The following SMAD4 variants were observed in gnomAD, a reference collection of about 807,000 sequenced individuals.
SMAD4 encodes the protein SMAD family member 4.
SMAD4 carries 7 observed loss-of-function variants against 63.2 expected under a neutral mutation model. The observed-to-expected ratio is 0.11, with a 90% CI of 0.06 to 0.21. SMAD4 has a LOEUF of 0.21. SMAD4 is among the 10% of genes least tolerant of loss of function. The pLI, the probability that SMAD4 is intolerant of heterozygous loss-of-function variation, is 1.00. For missense variants in SMAD4, 312 were observed against 693.8 expected, an observed-to-expected ratio of 0.45 and a Z score of 6.18; for synonymous variants, 215 against 235.4, an observed-to-expected ratio of 0.91 and a Z score of 0.79.
intron 1 of SMAD4, among the ~76,000 whole-genome samples, chr18:51,032,473 G>A (rs1599171036): frequency 6.6e-6 from 1 of 152,272 alleles, no homozygotes; most frequent in East Asian, 1.9e-4. Context: ...TTTGCTGTTT[G>A]AAGCAATTCT....
intron 1 of SMAD4, among the ~76,000 whole-genome samples, chr18:51,041,821 A>C (rs796611933): frequency 6.6e-6 from 1 of 152,214 alleles, no homozygotes; most frequent in Admixed American, 6.5e-5. Context: ...CTAAGCAGAA[A>C]ATAAGCTTTT....
rs1909960931 is a variant in SMAD4, at chr18:51,059,921, G to A, written c.955+5G>A. ...CTCCCATTTCCAATCATCCTGGTAA[G>A]TGTATTTCAAAATTGATTTCCTGTA... On this transcript the variant is annotated splice_donor_5th_base_variant and intron_variant, in intron 8 of 11. Coordinates refer to ENST00000342988, the MANE Select transcript of SMAD4 (RefSeq NM_005359.6). The A allele has an allele frequency of 6.2e-7, 1 of 1,604,208 alleles. No individual in the cohort carries two copies. The highest frequency in any genetic ancestry group is 8.5e-7 in the Non-Finnish European group (1 of 1,171,940).
chr18:51,067,276 T>C (rs1225944010), intron 10 of SMAD4, 89 bp downstream of exon 10: 1 of 702,862 alleles, frequency 1.4e-6, no homozygotes, highest in Non-Finnish European at 2.5e-6. Flanking sequence ...AATGGAAAAA[T>C]GTTTTATATA....
At chr18:51,051,483 C>T (rs935698515) in intron 4 of SMAD4, 10 of 440,310 alleles carry the variant, frequency 2.3e-5, no homozygotes, top group African/African-American at 1.6e-4. Context: ...GTAATCATTT[C>T]CAGCCTATCT....
intron 8 of SMAD4, 105 bp downstream of exon 8, chr18:51,060,021 A>G: frequency 1.2e-6 from 1 of 817,542 alleles, no homozygotes; most frequent in Non-Finnish European, 2.1e-6. Flanking sequence ...TTCTCAGATG[A>G]GTACAATACT....
At chr18:51,071,281 T>TACAC (rs150437859) in intron 10 of SMAD4, among the ~76,000 whole-genome samples, 11 of 149,762 alleles carry the variant, frequency 7.3e-5, no homozygotes, top group South Asian at 2.1e-4. Context: ...CACACACACA[T>TACAC]ACACACACAC....
rs183971728 is a variant in SMAD4, at chr18:51,077,756, T to G, written c.1448-500T>G. On this transcript the variant is annotated intron_variant, in intron 11 of 11. Transcript: ENST00000342988. Reference sequence around the variant, plus strand: ...TCATATTCTCATCAGTTGCCACCACTGAGTAATAGTGTATTACTCTGTTAC... The same window carrying G: ...TCATATTCTCATCAGTTGCCACCACGGAGTAATAGTGTATTACTCTGTTAC... Among the ~76,000 whole-genome samples, 5 of 152,338 alleles carry G rather than the reference T, an allele frequency of 3.3e-5. No homozygotes were observed. In the East Asian group the frequency reaches 9.6e-4, roughly 29 times the overall value.
intron 4 of SMAD4, among the ~76,000 whole-genome samples, chr18:51,051,914 C>T (rs887697313): frequency 1.6e-4 from 24 of 152,026 alleles, no homozygotes; most frequent in African/African-American, 5.8e-4. Context: ...TCAAGCGATT[C>T]TCCTGCCTCA....
chr18:51,078,480 T>C lies in SMAD4; in HGVS notation c.*13T>C, dbSNP rs1039813805. On this transcript the variant is annotated 3_prime_UTR_variant, in exon 12 of 12. Coordinates refer to ENST00000342988, the MANE Select transcript of SMAD4 (RefSeq NM_005359.6). ...ACCTTTAGACTGAGGTCTTTTACCG[T>C]TGGGGCCCTTAACCTTATCAGGATG... 4.4e-6 allele frequency: 7 copies of C among 1,584,090 alleles called. No homozygotes were observed. The highest frequency in any genetic ancestry group is 6.1e-6 in the Non-Finnish European group (7 of 1,153,152).
chr18:51,048,595 T>G, intron 2 of SMAD4, 91 bp from the exon 3 acceptor site: 2 of 1,142,220 alleles, frequency 1.8e-6, no homozygotes, highest in Non-Finnish European at 1.3e-6. Context: ...ATTGTAATAC[T>G]GAGTTGGTAG....
At position 51,058,264 on chromosome 18, in the gene SMAD4, A is replaced by C. The variant is rs367791493; in HGVS notation, c.787+20A>C. ...ATCATAGTATGTACATACTTTAAAA[A>C]ATCTTTTAAATAGTTGAGAAAAAAG... On this transcript the variant is annotated intron_variant, in intron 6 of 11. Coordinates refer to ENST00000342988, the MANE Select transcript of SMAD4 (RefSeq NM_005359.6). The C allele has an allele frequency of 1.2e-6, 2 of 1,610,936 alleles. No homozygotes were observed. Among genetic ancestry groups the C allele is most frequent in the African/African-American group, 2.7e-5 (2 of 74,896 alleles).
At chr18:51,049,229 T>C in intron 3 of SMAD4, 66 bp from the exon 4 acceptor site, 2 of 1,233,550 alleles carry the variant, frequency 1.6e-6, no homozygotes, top group South Asian at 1.2e-5. Flanking sequence ...TTCTCTGTTT[T>C]TAAATGGAAA....
intron 1 of SMAD4, among the ~76,000 whole-genome samples, chr18:51,041,120 TG>T (rs1909366846): frequency 6.6e-6 from 1 of 152,160 alleles, no homozygotes; most frequent in African/African-American, 2.4e-5. Context: ...TTCTGGTAAT[TG>T]TTTCCTAACT....
intron 5 of SMAD4, 134 bp from the exon 6 acceptor site, chr18:51,057,991 C>T (rs1909885790): frequency 9.9e-7 from 1 of 1,005,572 alleles, no homozygotes; most frequent in Non-Finnish European, 1.5e-6. Context: ...ACCTGATAGG[C>T]CATGGGTGAG....
intron 1 of SMAD4, among the ~76,000 whole-genome samples, chr18:51,032,177 TA>T (rs1909071321): frequency 6.6e-6 from 1 of 152,242 alleles, no homozygotes; most frequent in Non-Finnish European, 1.5e-5. Context: ...CTTCTTTTGA[TA>T]AAAGTCGTTA....
intron 3 of SMAD4, 143 bp from the exon 4 acceptor site, chr18:51,049,152 T>C (rs1171213150): frequency 5.8e-5 from 40 of 683,846 alleles, no homozygotes; most frequent in Non-Finnish European, 9.7e-5. Context: ...TATTGTTAGA[T>C]AGCGTTTATG....
intron 4 of SMAD4, chr18:51,051,046 C>A: frequency 6.4e-6 from 1 of 156,808 alleles, no homozygotes; most frequent in Admixed American, 6.5e-5. Flanking sequence ...TGAAAGTAAA[C>A]ACGTTTCATA....
intron 1 of SMAD4, among the ~76,000 whole-genome samples, chr18:51,043,529 T>C (rs1054483091): frequency 1.3e-5 from 2 of 152,230 alleles, no homozygotes; most frequent in African/African-American, 4.8e-5. Context: ...AATGTAGGAA[T>C]ACATCTCTTT....
intron 8 of SMAD4, among the ~76,000 whole-genome samples, chr18:51,060,746 A>C (rs577649843): frequency 6.6e-6 from 1 of 152,168 alleles, no homozygotes; most frequent in East Asian, 1.9e-4. Flanking sequence ...CGATCCTCTC[A>C]CCTCAGCTTC....
Sources: gnomAD v4.1 joint callset for allele counts (sites outside exome capture counted in the v4.1 genomes callset) on GRCh38, gnomAD v4.1.1 for gene constraint, MANE v1.5 for transcripts, NCBI Gene and HGNC (gene_info 2026-07-23, HGNC 2026-07-21) for gene names.